Variants in WDR35 observed in about 807,000 individuals in gnomAD.
WDR35 encodes WD repeat domain 35, also known as WD repeat-containing protein 35.
WDR35 carries 118 observed loss-of-function variants against 158.3 expected under a neutral mutation model. The ratio of observed to expected loss-of-function variants is 0.75; its 90% CI spans 0.64 to 0.87. The LOEUF is 0.87. Ranked by LOEUF, WDR35 falls within the 40% of genes least tolerant of loss-of-function variation. The pLI is 0.00. For missense variants in WDR35, 1,263 were observed against 1,405.8 expected, an observed-to-expected ratio of 0.90 and a Z score of 1.62; for synonymous variants, 448 against 476.1, an observed-to-expected ratio of 0.94 and a Z score of 0.77.
At chr2:19,937,128 T>A (rs190473050) in intron 19 of WDR35, among the ~76,000 whole-genome samples, 1,571 of 152,292 alleles carry the variant, frequency 0.01, 21 homozygotes, top group Non-Finnish European at 0.014. Context: ...TTAATGAAGA[T>A]GAGATACAAT....
chr2:19,933,418 A>G lies in WDR35; in HGVS notation c.2641T>C (p.Cys881Arg). The G allele has an allele frequency of 6.2e-7, 1 of 1,613,720 alleles. No homozygotes were observed. The highest frequency in any genetic ancestry group is 8.5e-7 in the Non-Finnish European group (1 of 1,179,710). The change falls in exon 22 of 27, where the codon TGC (cysteine) becomes CGC (arginine). Residue 881 changes from cysteine (C) to arginine (R), a missense_variant. Transcript: ENST00000281405. The stretch of plus-strand genomic sequence containing the variant: ...GTTCCTACTTGGTTGAGATGTACGC[A>G]GGTATCTACTGCTGCCTTTGGTTGA... Reference protein sequence around the residue: ...CSQPKAAVDTCVHLNQWNKAV... With the variant: ...CSQPKAAVDTRVHLNQWNKAV...
intron 12 of WDR35, 72 bp from the exon 13 acceptor site, chr2:19,951,556 C>T (rs750242670): frequency 2.9e-5 from 35 of 1,204,540 alleles, no homozygotes; most frequent in Non-Finnish European, 3.6e-5. Flanking sequence ...CTAGAATAAA[C>T]GATTGGACAA....
Position 19,937,667 on chromosome 2 carries a change from T to C in WDR35, c.2267+76A>G, listed in dbSNP as rs1572329703. On this transcript the variant is annotated intron_variant, in intron 19 of 26. Coordinates refer to ENST00000281405, the MANE Select transcript of WDR35 (RefSeq NM_020779.4). Reference sequence around the variant, plus strand: ...GAACCATATGATACACCTAACGTATTTATAGTTTCCATTTGTAAAAAATAC... The same window carrying C: ...GAACCATATGATACACCTAACGTATCTATAGTTTCCATTTGTAAAAAATAC... 6 of 1,584,750 alleles carry C rather than the reference T, an allele frequency of 3.8e-6. No individual in the cohort carries two copies. In the East Asian group the frequency reaches 1.3e-4, roughly 35 times the overall value.
chr2:19,975,571 T>C lies in WDR35; in HGVS notation c.529A>G (p.Asn177Asp), dbSNP rs747028453. The C allele has an allele frequency of 2.5e-6, 4 of 1,613,908 alleles. No homozygotes were observed. The highest frequency in any genetic ancestry group is 2.2e-5 in the East Asian group (1 of 44,860). ...TTATCGTAAATGTGTATTTCCCCAT[T>C]TGCCATTCCAAAAAGTAAGACTTTA... ...DSKVLLFGMANGEIHIYDNQG... is the reference protein window; with the variant it reads ...DSKVLLFGMADGEIHIYDNQG... The change falls in exon 6 of 27, where the codon AAT becomes GAT. Residue 177 changes from asparagine (N) to aspartate (D), a missense_variant. By Grantham distance (23) the Asn-to-Asp change is conservative (BLOSUM62 1). Transcript: ENST00000281405.
At chr2:19,949,175 TA>T (rs1671155543) in intron 13 of WDR35, among the ~76,000 whole-genome samples, 1 of 152,184 alleles carries the variant, frequency 6.6e-6, no homozygotes, top group African/African-American at 2.4e-5. Context: ...TATTTCAAGG[TA>T]AAATGTTTTT....
chr2:19,940,523 G>T (rs1333373460), intron 17 of WDR35, among the ~76,000 whole-genome samples: 1 of 152,150 alleles, frequency 6.6e-6, no homozygotes, highest in Non-Finnish European at 1.5e-5. Context: ...TCCATATACA[G>T]AAGAGTCAGA....
chr2:19,945,735 T>C, intron 16 of WDR35, 51 bp downstream of exon 16: 3 of 1,601,266 alleles, frequency 1.9e-6, no homozygotes, highest in African/African-American at 1.3e-5. Context: ...TCCAGGTTTT[T>C]ATATTTGGCT....
chr2:19,938,435 T>C, intron 17 of WDR35, 34 bp from the exon 18 acceptor site: 1 of 1,610,300 alleles, frequency 6.2e-7, no homozygotes, highest in East Asian at 2.2e-5. Context: ...AAAATTCAAA[T>C]ATTTGCCGTT....
rs76702226 is a variant in WDR35, at chr2:19,966,450, T to C, written c.1194+274A>G. ...CATGAAATTTTAATTTGAAAAGGGATTGCGGTATTTTAAATATATTTCAGA... is the reference window on the plus strand; with the variant it reads ...CATGAAATTTTAATTTGAAAAGGGACTGCGGTATTTTAAATATATTTCAGA... On this transcript the variant is annotated intron_variant, in intron 10 of 26. Transcript: ENST00000281405. 0.035 allele frequency among the ~76,000 whole-genome samples: 5,362 copies of C among 152,176 alleles called. 312 individuals carry two copies. The highest frequency in any genetic ancestry group is 0.12 in the African/African-American group (5,010 of 41,470).
chr2:19,962,467 G>A (rs1671693783), intron 10 of WDR35: 2 of 788,488 alleles, frequency 2.5e-6, no homozygotes, highest in Admixed American at 2.1e-5. Context: ...CAAACGTAAT[G>A]CACATTTTAC....
intron 25 of WDR35, among the ~76,000 whole-genome samples, chr2:19,915,436 C>CAA (rs35591858): frequency 2.2e-4 from 27 of 120,130 alleles, no homozygotes; most frequent in Admixed American, 8.2e-4. Context: ...TTACCACTGA[C>CAA]AAAAAAAAAA....
At chr2:19,935,987 G>GA (rs2103403043) in intron 20 of WDR35, among the ~76,000 whole-genome samples, 1 of 152,244 alleles carries the variant, frequency 6.6e-6, no homozygotes, top group Non-Finnish European at 1.5e-5. Flanking sequence ...GGCTCAAACA[G>GA]AAAGCTGCAT....
chr2:19,915,636 T>A (rs114998560), intron 25 of WDR35, among the ~76,000 whole-genome samples: 2,275 of 151,912 alleles, frequency 0.015, 59 homozygotes, highest in African/African-American at 0.053. Context: ...TAAAAATAAT[T>A]TTTATATATA....
chr2:19,955,677 C>T (rs1558343652), intron 11 of WDR35, among the ~76,000 whole-genome samples: 1 of 152,118 alleles, frequency 6.6e-6, no homozygotes, highest in Non-Finnish European at 1.5e-5. Context: ...AAATACTATG[C>T]AATGTAATCA....
rs759441306 is a variant in WDR35 at position 19,980,818 on chromosome 2, G to T, written c.215-35C>A. ...TATAAAACAATTTAGAAACTTAAAG[G>T]TTACAATTAATTTCAAATTCACATT... On this transcript the variant is annotated intron_variant, in intron 3 of 26. Coordinates refer to ENST00000281405, the MANE Select transcript of WDR35 (RefSeq NM_020779.4). 3 of 1,578,982 alleles carry T rather than the reference G, an allele frequency of 1.9e-6. No homozygotes were observed. In the African/African-American group the frequency reaches 4.1e-5, roughly 21 times the overall value.
At chr2:19,959,149 CAA>C (rs539195488) in intron 11 of WDR35, among the ~76,000 whole-genome samples, 48 of 138,454 alleles carry the variant, frequency 3.5e-4, no homozygotes, top group African/African-American at 1.2e-3. Flanking sequence ...AGCAAGACTA[CAA>C]AAAAAAAAAG....
At chr2:19,954,879 C>A (rs1671372916) in intron 11 of WDR35, among the ~76,000 whole-genome samples, 1 of 152,124 alleles carries the variant, frequency 6.6e-6, no homozygotes, top group African/African-American at 2.4e-5. Context: ...TTATAATGAT[C>A]AAAAGTAGAA....
At chr2:19,973,989 T>A (rs1484896469) in intron 7 of WDR35, among the ~76,000 whole-genome samples, 1 of 151,692 alleles carries the variant, frequency 6.6e-6, no homozygotes, top group Admixed American at 6.6e-5. Flanking sequence ...ACACCTGTGG[T>A]CCCAGCTCCT....
At position 19,936,265 on chromosome 2, in the gene WDR35, G is replaced by C; in HGVS notation, c.2368C>G (p.Gln790Glu). 6.2e-7 allele frequency: 1 copy of C among 1,614,000 alleles called. No homozygotes were observed. The highest frequency in any genetic ancestry group is 8.5e-7 in the Non-Finnish European group (1 of 1,179,930). The change falls in exon 20 of 27, where the codon CAA (glutamine) becomes GAA (glutamate). Residue 790 changes from glutamine (Q) to glutamate (E), a missense_variant. Gln to Glu is a conservative substitution (Grantham distance 29). Coordinates refer to ENST00000281405, the MANE Select transcript of WDR35 (RefSeq NM_020779.4). ...SGDADDSLLEQANNAIGDYFA... is the reference protein window; with the variant it reads ...SGDADDSLLEEANNAIGDYFA... ...TAGTCTCCAATGGCATTGTTGGCTT[G>C]TTCCAGGAGACTGTCATCTGCATCA...
Sources: gnomAD v4.1 joint callset for allele counts (sites outside exome capture counted in the v4.1 genomes callset) on GRCh38, gnomAD v4.1.1 for gene constraint, MANE v1.5 for transcripts, NCBI Gene and HGNC (gene_info 2026-07-23, HGNC 2026-07-21) for gene names.